NKAIN3: variants seen among roughly 807,000 people sequenced by gnomAD.
NKAIN3 encodes sodium/potassium-transporting ATPase subunit beta-1-interacting protein 3.
In NKAIN3, 25 loss-of-function variants were observed where a neutral mutation model predicts 30.2. The observed-to-expected ratio is 0.83, with a 90% CI of 0.60 to 1.16. NKAIN3 has a LOEUF of 1.16. Ranked by LOEUF, NKAIN3 falls within the 50% of genes most tolerant of loss-of-function variation. The probability of loss-of-function intolerance (pLI) is 0.00; values close to 1 mark genes in which losing one functional copy is unlikely to be tolerated. For synonymous variants in NKAIN3, 91 were observed against 89.6 expected, an observed-to-expected ratio of 1.02 and a Z score of -0.09; for missense variants, 225 against 254.1, an observed-to-expected ratio of 0.89 and a Z score of 0.78.
chr8:62,867,392 C>T (rs1054617662), intron 4 of NKAIN3, among the ~76,000 whole-genome samples: 2 of 152,072 alleles, frequency 1.3e-5, no homozygotes, highest in African/African-American at 4.8e-5. Flanking sequence ...TAGTGCCTAG[C>T]ACAGTGTATA....
chr8:62,269,694 G>A (rs1473657989), intron 1 of NKAIN3, among the ~76,000 whole-genome samples: 1 of 152,156 alleles, frequency 6.6e-6, no homozygotes, highest in African/African-American at 2.4e-5. Context: ...CTTAAGGTAT[G>A]TTTTTCCTTT....
intron 3 of NKAIN3, among the ~76,000 whole-genome samples, chr8:62,704,956 T>C (rs746796154): frequency 6.6e-6 from 1 of 152,186 alleles, no homozygotes; most frequent in Admixed American, 6.5e-5. Context: ...GTGTTTTCTT[T>C]AGGAGGGGTT....
intron 1 of NKAIN3, among the ~76,000 whole-genome samples, chr8:62,422,624 T>G (rs1415079462): frequency 6.6e-6 from 1 of 152,108 alleles, no homozygotes; most frequent in African/African-American, 2.4e-5. Flanking sequence ...AATCATATGC[T>G]CTTTCCCATT....
At chr8:62,917,889 A>T (rs1822156778) in intron 4 of NKAIN3, among the ~76,000 whole-genome samples, 1 of 152,192 alleles carries the variant, frequency 6.6e-6, no homozygotes, top group African/African-American at 2.4e-5. Context: ...AGTACAAATC[A>T]TCTCTTCTGT....
In NKAIN3 at chr8:62,303,751, A is replaced by G. The variant is rs566114291; in HGVS notation, c.54+54624A>G. 1.9e-4 allele frequency among the ~76,000 whole-genome samples: 29 copies of G among 150,744 alleles called. 3 individuals are homozygous for G. The highest frequency in any genetic ancestry group is 7.0e-4 in the African/African-American group (28 of 40,150). On this transcript the variant is annotated intron_variant, in intron 1 of 6. Transcript: ENST00000623646. ...GACTGTATAATTTAAAAAAGTGCAT[A>G]TTGAAAACATTGCCTGATGCATAAA...
chr8:62,447,524 A>C (rs984083747), intron 1 of NKAIN3, among the ~76,000 whole-genome samples: 1 of 152,032 alleles, frequency 6.6e-6, no homozygotes, highest in African/African-American at 2.4e-5. Flanking sequence ...TTTTGTCAGT[A>C]ATTATCTCAG....
intron 1 of NKAIN3, among the ~76,000 whole-genome samples, chr8:62,307,875 A>G (rs371056928): frequency 1.3e-5 from 2 of 150,642 alleles, no homozygotes; most frequent in East Asian, 3.9e-4. Flanking sequence ...CACTATACTA[A>G]GGTTGGATAG....
At chr8:62,558,979 A>G (rs758899184) in intron 1 of NKAIN3, among the ~76,000 whole-genome samples, 3 of 151,934 alleles carry the variant, frequency 2.0e-5, no homozygotes, top group Non-Finnish European at 4.4e-5. Context: ...AAAGTTTGAG[A>G]GAGTTTCTTG....
intron 1 of NKAIN3, among the ~76,000 whole-genome samples, chr8:62,475,755 A>AT (rs1806499039): frequency 6.6e-6 from 1 of 152,196 alleles, no homozygotes; most frequent in South Asian, 2.1e-4. Context: ...CCCAGGTGTG[A>AT]TGCAGCCTAG....
intron 1 of NKAIN3, among the ~76,000 whole-genome samples, chr8:62,457,251 T>A (rs1295095444): frequency 2.0e-5 from 3 of 152,216 alleles, no homozygotes; most frequent in African/African-American, 4.8e-5. Context: ...AGGGATTTTT[T>A]AATTTTATGT....
At chr8:62,748,464 C>T (rs750195416) in intron 4 of NKAIN3, among the ~76,000 whole-genome samples, 2 of 152,256 alleles carry the variant, frequency 1.3e-5, no homozygotes, top group Non-Finnish European at 2.9e-5. Flanking sequence ...GCTTCGTTGG[C>T]TACAGCAAAT....
chr8:62,694,121 C>G (rs898108203), intron 3 of NKAIN3, among the ~76,000 whole-genome samples: 10 of 152,138 alleles, frequency 6.6e-5, no homozygotes, highest in African/African-American at 2.4e-4. Context: ...TTGAGATACA[C>G]AATAAATTAT....
At chr8:62,583,265 TC>T (rs1810361631) in intron 2 of NKAIN3, among the ~76,000 whole-genome samples, 1 of 152,100 alleles carries the variant, frequency 6.6e-6, no homozygotes, top group Non-Finnish European at 1.5e-5. Context: ...TTCCTTTGCT[TC>T]CCTCTCTCCC....
intron 1 of NKAIN3, among the ~76,000 whole-genome samples, chr8:62,549,390 AT>A (rs1809119224): frequency 1.3e-5 from 2 of 151,916 alleles, no homozygotes; most frequent in African/African-American, 4.8e-5. Flanking sequence ...TTAATTTAAA[AT>A]TTTTTTTTCC....
intron 1 of NKAIN3, among the ~76,000 whole-genome samples, chr8:62,278,117 C>T (rs936383308): frequency 2.0e-5 from 3 of 152,102 alleles, no homozygotes; most frequent in African/African-American, 7.2e-5. Context: ...ACCTGGGCCG[C>T]CACACATGCC....
chr8:62,405,668 A>C (rs1585771439), intron 1 of NKAIN3, among the ~76,000 whole-genome samples: 1 of 151,940 alleles, frequency 6.6e-6, no homozygotes. Context: ...TGCCTTTCCT[A>C]CCCTCTTCAG....
chr8:62,938,485 C>T (rs900295305), intron 5 of NKAIN3, among the ~76,000 whole-genome samples: 2 of 152,104 alleles, frequency 1.3e-5, no homozygotes, highest in African/African-American at 4.8e-5. Context: ...CAAAGTCTCA[C>T]ACAGAGTCCA....
intron 3 of NKAIN3, among the ~76,000 whole-genome samples, chr8:62,724,276 T>C (rs1274372116): frequency 6.6e-6 from 1 of 152,094 alleles, no homozygotes; most frequent in African/African-American, 2.4e-5. Flanking sequence ...ACGTAGTAGG[T>C]GCATGTTTAC....
chr8:62,782,838 A>G (rs1407310190), intron 4 of NKAIN3, among the ~76,000 whole-genome samples: 1 of 151,188 alleles, frequency 6.6e-6, no homozygotes, highest in African/African-American at 2.4e-5. Flanking sequence ...TAATGGGTAC[A>G]AAATGCAGTT....
Sources: allele counts gnomAD v4.1 joint callset (sites outside exome capture counted in the v4.1 genomes callset), GRCh38; gene constraint gnomAD v4.1.1; transcripts MANE v1.5; gene names NCBI Gene and HGNC (gene_info 2026-07-23, HGNC 2026-07-21).